ZNF607: variants seen among roughly 807,000 people sequenced by gnomAD.
ZNF607 encodes the protein zinc finger protein 607.
Under a neutral mutation model 12.8 loss-of-function variants are expected in ZNF607, and 5 were observed. The observed-to-expected ratio is 0.39, with a 90% confidence interval of 0.20 to 0.82. The LOEUF (loss-of-function observed/expected upper bound fraction) is 0.82, where lower values mean the gene tolerates loss of function less well. Among genes scored for constraint, ZNF607 ranks in the 40% least tolerant of loss-of-function variants. ZNF607 has a pLI of 0.39. For synonymous variants in ZNF607, 287 were observed against 276.2 expected (o/e 1.04, Z -0.39); for missense variants, 851 against 859.2 (o/e 0.99, Z 0.12).
chr19:37,699,432 G>C lies in ZNF607; in HGVS notation c.699C>G (p.Ala233=), dbSNP rs755596287. The C allele has an allele frequency of 6.2e-7, 1 of 1,614,066 alleles. No homozygotes were observed. The highest frequency in any genetic ancestry group is 1.1e-5 in the South Asian group (1 of 91,078). ...GACTAAGTCGTCCATACACACTAAA[G>C]GCCTTGCCACATTCCTTACATTCGT... ...KPYECKECGK[A]FSVYGRLSRH... Residue 233 remains alanine, a synonymous_variant, in exon 5 of 5, where the codon GCC becomes GCG. Transcript: ENST00000355202.
intron 2 of ZNF607, among the ~76,000 whole-genome samples, chr19:37,710,910 GCGCATCTGACTCA>G (rs926950900): frequency 3.0e-4 from 46 of 152,134 alleles, no homozygotes; most frequent in African/African-American, 7.5e-4. Context: ...TGCAACAATA[GCGCATCTGACTCA>G]CGCATCTGAC....
At chr19:37,717,556 G>T (rs1435292545) in intron 1 of ZNF607, among the ~76,000 whole-genome samples, 1 of 150,918 alleles carries the variant, frequency 6.6e-6, no homozygotes, top group Non-Finnish European at 1.5e-5. Flanking sequence ...AACACTTTGG[G>T]AGGCCAAGGT....
At chr19:37,714,352 G>GCAGCAGCAGCAGCAA (rs2045157508) in intron 1 of ZNF607, among the ~76,000 whole-genome samples, 1 of 116,858 alleles carries the variant, frequency 8.6e-6, no homozygotes. Context: ...AGCAGCAGCA[G>GCAGCAGCAGCAGCAA]CAGCAGCAGC....
At chr19:37,717,717 A>C (rs2045189138) in intron 1 of ZNF607, among the ~76,000 whole-genome samples, 1 of 150,434 alleles carries the variant, frequency 6.6e-6, no homozygotes, top group African/African-American at 2.4e-5. Context: ...GAGGCAGGAG[A>C]ATCGCTTGAA....
chr19:37,714,377 TACTC>T (rs939174517), intron 1 of ZNF607, among the ~76,000 whole-genome samples: 1 of 146,368 alleles, frequency 6.8e-6, no homozygotes, highest in Non-Finnish European at 1.5e-5. Context: ...ACAACAAACA[TACTC>T]ACCCTGTCTC....
intron 2 of ZNF607, 134 bp downstream of exon 2, chr19:37,711,476 G>A: frequency 1.1e-6 from 1 of 887,930 alleles, no homozygotes; most frequent in East Asian, 2.5e-5. Flanking sequence ...ATATTTTACT[G>A]GAAGAATGAG....
chr19:37,709,879 G>A (rs1007917878), intron 2 of ZNF607, 57 bp from the exon 3 acceptor site: 24 of 1,587,988 alleles, frequency 1.5e-5, no homozygotes, highest in East Asian at 2.3e-5. Flanking sequence ...TGGAGGGGCC[G>A]GGCACTGTGG....
rs73621578 is a variant in ZNF607 at position 37,700,775 on chromosome 19, G to A, written c.236-880C>T. 6.0e-3 allele frequency among the ~76,000 whole-genome samples: 907 copies of A among 152,168 alleles called. 10 individuals are homozygous for A. Among genetic ancestry groups the A allele is most frequent in the African/African-American group, 0.021 (857 of 41,504 alleles). On this transcript the variant is annotated intron_variant, in intron 4 of 4. Transcript: ENST00000355202. Reference sequence around the variant, plus strand: ...ATAAAAGCAGAATGTGATGGGTTAGGAAACGGAATAGTGTCAACACCTAAA... The same window carrying A: ...ATAAAAGCAGAATGTGATGGGTTAGAAAACGGAATAGTGTCAACACCTAAA...
rs1284738394 is a variant in ZNF607, at chr19:37,716,520, G to C, written c.-75+2749C>G. On this transcript the variant is annotated intron_variant, in intron 1 of 4. Coordinates refer to ENST00000355202, the MANE Select transcript of ZNF607 (RefSeq NM_032689.5). ...CAAAGTAATGGTGTCTCATCATACT[G>C]GTTTTATATCCATGGTTGGGTTAGA... 2.0e-5 allele frequency among the ~76,000 whole-genome samples: 3 copies of C among 152,142 alleles called. No homozygotes were observed. The South Asian group carries it at 6.2e-4, about 32-fold the overall frequency.
chr19:37,698,168 T>G lies in ZNF607; in HGVS notation c.1963A>C (p.Asn655His). The G allele has an allele frequency of 7.4e-6, 12 of 1,614,142 alleles. No homozygotes were observed. Among genetic ancestry groups the G allele is most frequent in the Non-Finnish European group, 1.0e-5 (12 of 1,180,026 alleles). The change falls in exon 5 of 5, where the codon AAT becomes CAT. Residue 655 changes from asparagine to histidine, a missense_variant. By Grantham distance (68) the Asn-to-His change is moderately conservative (BLOSUM62 1). Transcript: ENST00000355202. ...TGTATACTAAGTTCATGGCTACTAT[T>G]AAAAGCTTTCCCACACTCTTCACAC... ...YMCEECGKAF[N>H]SSHELSIHHR...
rs764627709 is a variant in ZNF607 at position 37,699,820 on chromosome 19, T to C, written c.311A>G (p.His104Arg). Residue 104 changes from histidine (H) to arginine (R), a missense_variant, in exon 5 of 5, where the codon CAT becomes CGT. Transcript: ENST00000355202. ...LYRKHSCVTL[H>R]QRIHNGQKPY... Reference sequence around the variant, plus strand: ...TTTCTGTCCATTATGAATTCTCTGATGGAGAGTAACACATGAGTGTTTCCT... The same window carrying C: ...TTTCTGTCCATTATGAATTCTCTGACGGAGAGTAACACATGAGTGTTTCCT... 6.8e-6 allele frequency: 11 copies of C among 1,613,762 alleles called. No homozygotes were observed. In the Admixed American group the frequency reaches 1.5e-4, roughly 22 times the overall value.
chr19:37,705,179 G>T (rs1041795578), intron 4 of ZNF607, among the ~76,000 whole-genome samples: 2 of 152,064 alleles, frequency 1.3e-5, no homozygotes, highest in Non-Finnish European at 2.9e-5. Flanking sequence ...GGAGAAAAGG[G>T]AAAGAAGGCA....
chr19:37,698,856 T>C lies in ZNF607; in HGVS notation c.1275A>G (p.Glu425=), dbSNP rs150671372. Residue 425 remains glutamate, a synonymous_variant, in exon 5 of 5, where the codon GAA becomes GAG. Transcript: ENST00000355202. ...HTGEKPYKCK[E]CGKAFSQRAH... is the part of the protein sequence containing the mutation. ...CACGCTGACTGAAGGCCTTCCCACA[T>C]TCCTTACATTTGTAGGGTTTCTCAC... is the stretch of plus-strand genomic sequence containing the variant. 1.1e-5 allele frequency: 17 copies of C among 1,614,092 alleles called. No homozygotes were observed. Among genetic ancestry groups the C allele is most frequent in the Non-Finnish European group, 1.4e-5 (17 of 1,179,976 alleles).
intron 3 of ZNF607, among the ~76,000 whole-genome samples, chr19:37,708,978 G>A (rs1432191601): frequency 2.0e-5 from 3 of 152,074 alleles, no homozygotes; most frequent in Non-Finnish European, 4.4e-5. Context: ...TAAAGCTGTT[G>A]GGAGTATTAA....
chr19:37,699,955 A>G (rs1235630153), intron 4 of ZNF607, 60 bp from the exon 5 acceptor site: 1 of 1,402,038 alleles, frequency 7.1e-7, no homozygotes, highest in Non-Finnish European at 9.6e-7. Flanking sequence ...TTATTGTAGA[A>G]TTAAGAGAAA....
At position 37,697,143 on chromosome 19, in the gene ZNF607, T is replaced by C. The variant is rs2044982549; in HGVS notation, c.*897A>G. The C allele has an allele frequency of 9.4e-6, 7 of 744,672 alleles. No individual in the cohort carries two copies. Among genetic ancestry groups the C allele is most frequent in the South Asian group, 6.9e-5 (5 of 72,702 alleles). The allele number at this position is 744,672 out of a possible 1,614,324, so 46.1% of individuals were successfully genotyped here. On this transcript the variant is annotated 3_prime_UTR_variant, in exon 5 of 5. Transcript: ENST00000355202. ...GAGGATGCACAGTGTGATGTTGACA[T>C]TCTGTAAATCTTTGCTACCAGTGAT...
rs1186457407 is a variant in ZNF607 at position 37,719,429 on chromosome 19, C to G, written c.-235G>C. 1.3e-5 allele frequency: 2 copies of G among 152,696 alleles called. No individual in the cohort carries two copies. Among genetic ancestry groups the G allele is most frequent in the Non-Finnish European group, 2.9e-5 (2 of 68,146 alleles). 9.5% of individuals were successfully genotyped at this position (152,696 alleles called of 1,614,324 possible). A position where few individuals can be genotyped will look rare whatever the true frequency, so the allele number is the denominator to read the frequency against. ...GAGGCGGGAGACTCGCCCGGCCCGCCTGGGGGCCTCCGCGCTCTGAGCGCC... is the reference window on the plus strand; with the variant it reads ...GAGGCGGGAGACTCGCCCGGCCCGCGTGGGGGCCTCCGCGCTCTGAGCGCC... On this transcript the variant is annotated 5_prime_UTR_variant, in exon 1 of 5. Coordinates refer to ENST00000355202, the MANE Select transcript of ZNF607 (RefSeq NM_032689.5).
Position 37,699,389 on chromosome 19 carries a change from T to TGTGA in ZNF607, c.738_741dup (p.Thr248SerfsTer4). The TGTGA allele has an allele frequency of 3.7e-6, 6 of 1,614,132 alleles. No homozygotes were observed. The highest frequency in any genetic ancestry group is 5.1e-6 in the Non-Finnish European group (6 of 1,180,010). ...TTACATTCAAAGGGCTTCTCACCAG[T>TGTGA]GTGAATACTCTGATGTCGACTAAGT... On this transcript the variant is annotated frameshift_variant, in exon 5 of 5. Transcript: ENST00000355202. LOFTEE classifies it low-confidence loss of function (END_TRUNC).
chr19:37,701,057 C>G (rs1049721438), intron 4 of ZNF607, among the ~76,000 whole-genome samples: 2 of 151,990 alleles, frequency 1.3e-5, no homozygotes, highest in East Asian at 1.9e-4. Flanking sequence ...GCTAAAAAGA[C>G]AGTTAATATG....
Sources: gnomAD v4.1 joint callset for allele counts (sites outside exome capture counted in the v4.1 genomes callset) on GRCh38, gnomAD v4.1.1 for gene constraint, MANE v1.5 for transcripts, NCBI Gene and HGNC (gene_info 2026-07-23, HGNC 2026-07-21) for gene names.